The following SLC35F1 variants were observed in gnomAD, a reference collection of about 807,000 sequenced individuals.
The protein encoded by SLC35F1 is chromosome 6 open reading frame 169.
SLC35F1 carries 14 observed loss-of-function variants against 48.7 expected under a neutral mutation model. The observed-to-expected ratio is 0.29, with a 90% CI of 0.19 to 0.45. SLC35F1 has a LOEUF of 0.45. SLC35F1 is among the 20% of genes least tolerant of loss of function. The pLI, the probability that SLC35F1 is intolerant of heterozygous loss-of-function variation, is 1.00. For missense variants in SLC35F1, 404 were observed against 500.0 expected, an observed-to-expected ratio of 0.81 and a Z score of 1.83; for synonymous variants, 190 against 202.2, an observed-to-expected ratio of 0.94 and a Z score of 0.51.
At chr6:117,925,513 C>G (rs1246896076) in intron 1 of SLC35F1, among the ~76,000 whole-genome samples, 1 of 152,178 alleles carries the variant, frequency 6.6e-6, no homozygotes, top group Non-Finnish European at 1.5e-5. Context: ...CTTGCCCTAT[C>G]ACTGGATTGT....
At chr6:118,220,081 G>C (rs1775127141) in intron 2 of SLC35F1, among the ~76,000 whole-genome samples, 1 of 152,054 alleles carries the variant, frequency 6.6e-6, no homozygotes, top group Non-Finnish European at 1.5e-5. Context: ...GACGAGTAAT[G>C]GGTGCAGCAC....
At chr6:118,117,913 C>T (rs1773495635) in intron 1 of SLC35F1, among the ~76,000 whole-genome samples, 1 of 152,118 alleles carries the variant, frequency 6.6e-6, no homozygotes, top group Admixed American at 6.6e-5. Context: ...ATTACTATTT[C>T]ATACCTTTTT....
chr6:118,079,043 A>G (rs569968954), intron 1 of SLC35F1, among the ~76,000 whole-genome samples: 1 of 152,376 alleles, frequency 6.6e-6, no homozygotes, highest in South Asian at 2.1e-4. Context: ...TATGTAACAT[A>G]AAATTTAAGA....
chr6:118,040,946 T>C (rs1003245874), intron 1 of SLC35F1, among the ~76,000 whole-genome samples: 1 of 152,132 alleles, frequency 6.6e-6, no homozygotes, highest in Non-Finnish European at 1.5e-5. Flanking sequence ...CAGTTAGGTT[T>C]ATTTTAAAAT....
intron 1 of SLC35F1, among the ~76,000 whole-genome samples, chr6:117,933,452 G>C (rs1278827756): frequency 6.6e-6 from 1 of 152,122 alleles, no homozygotes; most frequent in Non-Finnish European, 1.5e-5. Context: ...AGTAAACATA[G>C]ATTTCTTGTG....
At chr6:118,076,783 A>T (rs1373942792) in intron 1 of SLC35F1, among the ~76,000 whole-genome samples, 1 of 152,192 alleles carries the variant, frequency 6.6e-6, no homozygotes, top group Non-Finnish European at 1.5e-5. Flanking sequence ...ATACTGAATG[A>T]TTCCATACAA....
At chr6:118,299,667 A>G (rs907628596) in intron 7 of SLC35F1, among the ~76,000 whole-genome samples, 5 of 152,236 alleles carry the variant, frequency 3.3e-5, no homozygotes, top group African/African-American at 1.2e-4. Context: ...AAGTAAAAAT[A>G]TACACTGTGT....
At chr6:118,060,650 A>G (rs1772524252) in intron 1 of SLC35F1, among the ~76,000 whole-genome samples, 1 of 152,198 alleles carries the variant, frequency 6.6e-6, no homozygotes, top group Non-Finnish European at 1.5e-5. Context: ...TACAAAATGT[A>G]TGAATGAATG....
chr6:117,974,673 A>T (rs1037785799), intron 1 of SLC35F1, among the ~76,000 whole-genome samples: 3 of 152,238 alleles, frequency 2.0e-5, no homozygotes, highest in Non-Finnish European at 4.4e-5. Flanking sequence ...CTGTGGGATT[A>T]TCTCAATTTA....
At chr6:118,135,665 A>T (rs894043991) in intron 1 of SLC35F1, among the ~76,000 whole-genome samples, 8 of 152,158 alleles carry the variant, frequency 5.3e-5, no homozygotes, top group African/African-American at 1.7e-4. Flanking sequence ...GTTTCTAAAC[A>T]CTCTAAAGAC....
At chr6:118,239,566 GT>G (rs1385914056) in intron 3 of SLC35F1, among the ~76,000 whole-genome samples, 2 of 151,394 alleles carry the variant, frequency 1.3e-5, no homozygotes, top group African/African-American at 4.8e-5. Context: ...TTTTTTTTAA[GT>G]TTTTTTAAGT....
At chr6:118,127,795 C>A (rs1248502919) in intron 1 of SLC35F1, among the ~76,000 whole-genome samples, 31 of 151,090 alleles carry the variant, frequency 2.1e-4, no homozygotes, top group Non-Finnish European at 4.4e-4. Context: ...GCAACAAAAG[C>A]CAAAATTGAC....
intron 1 of SLC35F1, among the ~76,000 whole-genome samples, chr6:118,060,928 A>C (rs1426161325): frequency 6.6e-6 from 1 of 152,240 alleles, no homozygotes; most frequent in Non-Finnish European, 1.5e-5. Context: ...CCTAAAGCCC[A>C]AGCTCAGGCA....
chr6:118,102,525 A>G (rs1773272935), intron 1 of SLC35F1, among the ~76,000 whole-genome samples: 2 of 152,208 alleles, frequency 1.3e-5, no homozygotes, highest in South Asian at 4.1e-4. Flanking sequence ...AGCTACAGCA[A>G]CTAGCTGTGA....
chr6:118,205,147 G>A (rs1774918793), intron 2 of SLC35F1, among the ~76,000 whole-genome samples: 1 of 152,202 alleles, frequency 6.6e-6, no homozygotes, highest in South Asian at 2.1e-4. Context: ...AGACAATGCT[G>A]TGAAGGCAGC....
intron 2 of SLC35F1, among the ~76,000 whole-genome samples, chr6:118,205,813 G>T (rs145432764): frequency 9.2e-5 from 14 of 152,310 alleles, no homozygotes; most frequent in Admixed American, 2.0e-4. Context: ...ACAAAAGAAT[G>T]ATATTTTCAT....
At chr6:118,138,213 G>A (rs1773826256) in intron 1 of SLC35F1, among the ~76,000 whole-genome samples, 1 of 151,796 alleles carries the variant, frequency 6.6e-6, no homozygotes, top group African/African-American at 2.4e-5. Context: ...AGAGGCTGAG[G>A]TGGAGGATCA....
At chr6:118,052,086 C>T (rs139703270) in intron 1 of SLC35F1, among the ~76,000 whole-genome samples, 1 of 152,038 alleles carries the variant, frequency 6.6e-6, no homozygotes, top group Non-Finnish European at 1.5e-5. Context: ...GCTGGCTCTT[C>T]TCATCTCACC....
Position 117,988,138 on chromosome 6 carries a change from C to A in SLC35F1, c.173+80239C>A, listed in dbSNP as rs190375578. ...AAGCCAGGGATTGTGTGGGCTCCAT[C>A]GTTACTGAGTTTCGAGCCCCAGCAA... On this transcript the variant is annotated intron_variant, in intron 1 of 7. Coordinates refer to ENST00000360388, the MANE Select transcript of SLC35F1 (RefSeq NM_001029858.4). Among the ~76,000 whole-genome samples the A allele has an allele frequency of 4.9e-4, 75 of 152,254 alleles. 1 individual carries two copies. The highest frequency in any genetic ancestry group is 7.6e-4 in the Non-Finnish European group (52 of 68,018).
Sources: gnomAD v4.1 joint callset for allele counts (sites outside exome capture counted in the v4.1 genomes callset) on GRCh38, gnomAD v4.1.1 for gene constraint, MANE v1.5 for transcripts, NCBI Gene and HGNC (gene_info 2026-07-23, HGNC 2026-07-21) for gene names.